Variants in NLGN1 observed in about 807,000 individuals in gnomAD.
NLGN1 encodes the protein neuroligin 1, also known as neuroligin-1.
NLGN1 carries 12 observed loss-of-function variants against 65.5 expected under a neutral mutation model. The ratio of observed to expected loss-of-function variants is 0.18; its 90% confidence interval spans 0.12 to 0.30. NLGN1 has a LOEUF of 0.30. NLGN1 is among the 10% of genes least tolerant of loss of function. NLGN1 has a pLI of 1.00. For missense variants in NLGN1, 750 were observed against 1,007.1 expected (o/e 0.74, Z 3.46); for synonymous variants, 350 against 359.5 (o/e 0.97, Z 0.30).
At chr3:173,910,939 CTT>C (rs1323412522) in intron 4 of NLGN1, 1 of 152,204 alleles carries the variant, frequency 6.6e-6, no homozygotes, top group South Asian at 2.1e-4. Context: ...ACTGAAGACA[CTT>C]TAAATAGCTG....
chr3:173,882,302 C>T (rs1184024787), intron 4 of NLGN1, among the ~76,000 whole-genome samples: 1 of 152,130 alleles, frequency 6.6e-6, no homozygotes, highest in African/African-American at 2.4e-5. Flanking sequence ...GAATTGGCTT[C>T]ATCTTAAATC....
chr3:174,065,036 C>A (rs912763059), intron 4 of NLGN1, among the ~76,000 whole-genome samples: 1 of 151,340 alleles, frequency 6.6e-6, no homozygotes, highest in African/African-American at 2.4e-5. Context: ...GTATATAATC[C>A]TTAAATTAAA....
chr3:174,099,003 A>T (rs991336936), intron 4 of NLGN1, among the ~76,000 whole-genome samples: 2 of 152,210 alleles, frequency 1.3e-5, no homozygotes, highest in African/African-American at 4.8e-5. Flanking sequence ...TTAAGATATC[A>T]ACTAAGTTGG....
chr3:174,129,386 C>CAT (rs1719678792), intron 4 of NLGN1, among the ~76,000 whole-genome samples: 1 of 151,264 alleles, frequency 6.6e-6, no homozygotes, highest in Non-Finnish European at 1.5e-5. Flanking sequence ...CACACACACA[C>CAT]ACACACACAC....
At chr3:173,663,251 G>A (rs1305939798) in intron 3 of NLGN1, among the ~76,000 whole-genome samples, 2 of 151,954 alleles carry the variant, frequency 1.3e-5, no homozygotes, top group South Asian at 4.1e-4. Flanking sequence ...ACTTAAAATG[G>A]AACATTAAGT....
chr3:174,270,184 A>T (rs201082896), intron 4 of NLGN1, among the ~76,000 whole-genome samples: 57 of 127,764 alleles, frequency 4.5e-4, no homozygotes, highest in Admixed American at 4.9e-4. Flanking sequence ...TTATTTGTTT[A>T]TTTTTTTTTT....
intron 2 of NLGN1, among the ~76,000 whole-genome samples, chr3:173,531,753 G>T (rs923807393): frequency 6.6e-6 from 1 of 152,060 alleles, no homozygotes; most frequent in African/African-American, 2.4e-5. Context: ...TTGATTGGCA[G>T]CCAGTCTAAA....
At chr3:174,019,972 A>T (rs1727406297) in intron 4 of NLGN1, among the ~76,000 whole-genome samples, 1 of 152,184 alleles carries the variant, frequency 6.6e-6, no homozygotes, top group Non-Finnish European at 1.5e-5. Context: ...CTCCTAAAAA[A>T]GTAAAAAAGC....
chr3:174,169,925 A>T (rs997565481), intron 4 of NLGN1, among the ~76,000 whole-genome samples: 1 of 152,068 alleles, frequency 6.6e-6, no homozygotes. Flanking sequence ...GGCTTGGGAG[A>T]GGCAAAGTCC....
chr3:173,577,630 T>C (rs1339084315), intron 2 of NLGN1, among the ~76,000 whole-genome samples: 1 of 152,364 alleles, frequency 6.6e-6, no homozygotes, highest in East Asian at 1.9e-4. Flanking sequence ...CAATTTCTTA[T>C]GCATTGAATG....
intron 3 of NLGN1, among the ~76,000 whole-genome samples, chr3:173,724,031 C>CG (rs1433066706): frequency 6.6e-6 from 1 of 152,088 alleles, no homozygotes; most frequent in Non-Finnish European, 1.5e-5. Context: ...GGGAAGACTG[C>CG]GCACAGATGG....
chr3:174,058,797 G>A (rs193126665), intron 4 of NLGN1, among the ~76,000 whole-genome samples: 56 of 152,058 alleles, frequency 3.7e-4, no homozygotes, highest in Non-Finnish European at 7.4e-4. Flanking sequence ...ATTTATCTGA[G>A]ATTTTTTTAA....
intron 4 of NLGN1, among the ~76,000 whole-genome samples, chr3:174,030,891 A>G (rs1322144789): frequency 2.6e-5 from 4 of 152,196 alleles, no homozygotes; most frequent in African/African-American, 9.6e-5. Context: ...TTGGGATGAG[A>G]AAAGGAAATA....
At chr3:173,578,172 T>G (rs1199862769) in intron 2 of NLGN1, among the ~76,000 whole-genome samples, 2 of 150,640 alleles carry the variant, frequency 1.3e-5, no homozygotes, top group African/African-American at 4.9e-5. Context: ...GGAGGCGGAG[T>G]TTGCAGTGAG....
intron 2 of NLGN1, among the ~76,000 whole-genome samples, chr3:173,515,904 A>G (rs1444566679): frequency 6.6e-6 from 1 of 151,940 alleles, no homozygotes; most frequent in Non-Finnish European, 1.5e-5. Context: ...CCATTCTTAT[A>G]TATTATCTGT....
At chr3:174,150,600 T>G (rs1324306787) in intron 4 of NLGN1, among the ~76,000 whole-genome samples, 1 of 152,130 alleles carries the variant, frequency 6.6e-6, no homozygotes, top group East Asian at 1.9e-4. Flanking sequence ...ATTAAGAAAG[T>G]TACACAGCAT....
intron 3 of NLGN1, among the ~76,000 whole-genome samples, chr3:173,636,753 A>G (rs1157631522): frequency 6.6e-6 from 1 of 152,170 alleles, no homozygotes; most frequent in Non-Finnish European, 1.5e-5. Context: ...TTGTATAAAG[A>G]TAGATTATTT....
At chr3:173,782,339 G>A (rs1578405692) in intron 3 of NLGN1, among the ~76,000 whole-genome samples, 1 of 152,042 alleles carries the variant, frequency 6.6e-6, no homozygotes, top group Admixed American at 6.6e-5. Context: ...TGCATTAAAG[G>A]CGCGGGTAAT....
At chr3:174,003,577 G>T (rs1485349134) in intron 4 of NLGN1, among the ~76,000 whole-genome samples, 1 of 152,056 alleles carries the variant, frequency 6.6e-6, no homozygotes, top group East Asian at 1.9e-4. Flanking sequence ...AAGTTTAAAA[G>T]ATTTTAATTC....
Sources: gnomAD v4.1 joint callset for allele counts (sites outside exome capture counted in the v4.1 genomes callset) on GRCh38, gnomAD v4.1.1 for gene constraint, MANE v1.5 for transcripts, NCBI Gene and HGNC (gene_info 2026-07-23, HGNC 2026-07-21) for gene names.